SRD5A1: variants seen among roughly 807,000 people sequenced by gnomAD.
The protein encoded by SRD5A1 is 3-oxo-5-alpha-steroid 4-dehydrogenase 1.
In SRD5A1, 22 loss-of-function variants were observed where a neutral mutation model predicts 28.2. That is an observed-to-expected ratio of 0.78 (90% CI 0.56 to 1.12). SRD5A1 has a LOEUF of 1.12. Ranked by LOEUF, SRD5A1 falls within the 50% of genes most tolerant of loss-of-function variation. SRD5A1 has a pLI of 0.00. For synonymous variants in SRD5A1, 151 were observed against 135.0 expected, an observed-to-expected ratio of 1.12 and a Z score of -0.82; for missense variants, 300 against 346.7, an observed-to-expected ratio of 0.87 and a Z score of 1.07.
chr5:6,644,701 G>A (rs1444828231), intron 1 of SRD5A1: 7 of 365,140 alleles, frequency 1.9e-5, no homozygotes, highest in Non-Finnish European at 3.8e-5. Context: ...AGGCAGGAAG[G>A]ATGTCTGATC....
chr5:6,654,434 T>TTTGTTTG (rs1554001870), intron 2 of SRD5A1, among the ~76,000 whole-genome samples: 19,432 of 151,378 alleles, frequency 0.13, 1,477 homozygotes, highest in East Asian at 0.23. Context: ...TAAGTTTTTT[T>TTTGTTTG]TTTGTTTGTT....
chr5:6,639,163 C>T (rs769366017), intron 1 of SRD5A1, among the ~76,000 whole-genome samples: 3 of 152,202 alleles, frequency 2.0e-5, no homozygotes, highest in Admixed American at 6.5e-5. Context: ...TATTTCAAGA[C>T]ATACTTCTTT....
intron 3 of SRD5A1, 144 bp downstream of exon 3, chr5:6,656,323 G>A: frequency 1.5e-6 from 1 of 686,898 alleles, no homozygotes. Context: ...AATAACAAGT[G>A]CTATTGTTAT....
intron 1 of SRD5A1, among the ~76,000 whole-genome samples, chr5:6,641,822 C>T (rs1181102701): frequency 1.3e-5 from 2 of 152,258 alleles, no homozygotes; most frequent in Non-Finnish European, 2.9e-5. Context: ...AGAAGCACGT[C>T]CTCACTCCCA....
At chr5:6,639,029 TACA>T (rs1271432360) in intron 1 of SRD5A1, among the ~76,000 whole-genome samples, 2 of 152,234 alleles carry the variant, frequency 1.3e-5, no homozygotes, top group African/African-American at 4.8e-5. Context: ...AACTTGGGGG[TACA>T]ACATTATAGG....
intron 1 of SRD5A1, among the ~76,000 whole-genome samples, chr5:6,650,705 A>G (rs1738644412): frequency 1.3e-5 from 2 of 150,580 alleles, no homozygotes; most frequent in East Asian, 2.0e-4. Flanking sequence ...GGTTAGTTAC[A>G]TATGTATACA....
Position 6,633,495 on chromosome 5 carries a change from G to T in SRD5A1, c.-82G>T. 1.5e-6 allele frequency: 2 copies of T among 1,360,196 alleles called. No individual in the cohort carries two copies. The highest frequency in any genetic ancestry group is 1.9e-6 in the Non-Finnish European group (2 of 1,056,148). 84.3% of individuals were successfully genotyped at this position (1,360,196 alleles called of 1,614,324 possible). A position where few individuals can be genotyped will look rare whatever the true frequency, so the allele number is the denominator to read the frequency against. The stretch of plus-strand genomic sequence containing the variant: ...TCCGGTAGCCGCCCCTCCGGTAGCC[G>T]CCCCTCCTGCCCCCGCGCCGCCGCC... On this transcript the variant is annotated 5_prime_UTR_variant, in exon 1 of 5. Coordinates refer to ENST00000274192, the MANE Select transcript of SRD5A1 (RefSeq NM_001047.4).
At chr5:6,663,092 A>C in intron 4 of SRD5A1, 126 bp downstream of exon 4, 1 of 1,193,866 alleles carries the variant, frequency 8.4e-7, no homozygotes. Flanking sequence ...TGCTTTGGCC[A>C]AACAAGTACA....
At chr5:6,635,524 C>A (rs1266659491) in intron 1 of SRD5A1, among the ~76,000 whole-genome samples, 2 of 152,208 alleles carry the variant, frequency 1.3e-5, no homozygotes, top group African/African-American at 4.8e-5. Context: ...GCAAGGTTTC[C>A]CCACCTGTAG....
rs941185344 is a variant in SRD5A1, at chr5:6,666,482, A to G, written c.714-1720A>G. On this transcript the variant is annotated intron_variant, in intron 4 of 4. Transcript: ENST00000274192. ...CGTTCTAAAAACAAAATTGTATTCAATGAAATCTTTCTATAATAATCAGTA... is the reference window on the plus strand; with the variant it reads ...CGTTCTAAAAACAAAATTGTATTCAGTGAAATCTTTCTATAATAATCAGTA... 2.6e-5 allele frequency among the ~76,000 whole-genome samples: 4 copies of G among 152,168 alleles called. No homozygotes were observed. In the East Asian group the frequency reaches 7.7e-4, roughly 29 times the overall value.
Position 6,636,948 on chromosome 5 carries a change from G to A in SRD5A1, c.293+3079G>A, listed in dbSNP as rs572006641. ...GCTGGGGTGGGGGGATAGCCATGAC[G>A]CAGGACGAGCTGTGGTCCTGACCAG... On this transcript the variant is annotated intron_variant, in intron 1 of 4. Transcript: ENST00000274192. Among the ~76,000 whole-genome samples, 21 of 152,236 alleles carry A rather than the reference G, an allele frequency of 1.4e-4. 1 individual carries two copies. The South Asian group carries it at 1.7e-3, about 12-fold the overall frequency.
rs767571167 is a variant in SRD5A1, at chr5:6,633,621, G to C, written c.45G>C (p.Ala15=). The change falls in exon 1 of 5, where the codon GCG becomes GCC. Residue 15 remains alanine (A), a synonymous_variant. Coordinates refer to ENST00000274192, the MANE Select transcript of SRD5A1 (RefSeq NM_001047.4). ...TGVAEERLLA[A]LAYLQCAVGC... ...TGGCGGAGGAGCGCCTGCTGGCCGC[G>C]CTCGCCTACCTGCAGTGCGCCGTGG... The C allele has an allele frequency of 9.1e-6, 14 of 1,532,872 alleles. No homozygotes were observed. Among genetic ancestry groups the C allele is most frequent in the Non-Finnish European group, 1.2e-5 (14 of 1,147,794 alleles). The allele number at this position is 1,532,872 out of a possible 1,614,324, so 95.0% of individuals were successfully genotyped here. A position where few individuals can be genotyped will look rare whatever the true frequency, so the allele number is the denominator to read the frequency against.
chr5:6,637,673 G>A (rs896215963), intron 1 of SRD5A1, among the ~76,000 whole-genome samples: 4 of 152,216 alleles, frequency 2.6e-5, no homozygotes, highest in Non-Finnish European at 5.9e-5. Flanking sequence ...ACTCCGAGGA[G>A]CCTGAGCAGG....
chr5:6,659,492 T>C (rs962217462), intron 3 of SRD5A1, among the ~76,000 whole-genome samples: 5 of 134,074 alleles, frequency 3.7e-5, no homozygotes, highest in South Asian at 2.2e-4. Context: ...CCTAGGCACA[T>C]TGAAGTCCAT....
chr5:6,656,117 A>G lies in SRD5A1; in HGVS notation c.500A>G (p.His167Arg), dbSNP rs1203343322. The change falls in exon 3 of 5, where the codon CAT becomes CGT. Residue 167 changes from histidine to arginine, a missense_variant. Physicochemically the swap from His to Arg is conservative, Grantham distance 29. Coordinates refer to ENST00000274192, the MANE Select transcript of SRD5A1 (RefSeq NM_001047.4). ...LWLTGMLINI[H>R]SDHILRNLRK... is the part of the protein sequence containing the mutation. Reference sequence around the variant, plus strand: ...TTAACGGGCATGTTGATAAACATCCATTCAGATCATATCCTAAGGAATCTC... The same window carrying G: ...TTAACGGGCATGTTGATAAACATCCGTTCAGATCATATCCTAAGGAATCTC... The G allele has an allele frequency of 1.2e-6, 2 of 1,614,114 alleles. No individual in the cohort carries two copies. Among genetic ancestry groups the G allele is most frequent in the Non-Finnish European group, 1.7e-6 (2 of 1,179,984 alleles).
chr5:6,645,639 CAAA>C (rs35510604), intron 1 of SRD5A1, among the ~76,000 whole-genome samples: 18 of 121,612 alleles, frequency 1.5e-4, no homozygotes, highest in Non-Finnish European at 1.8e-4. Flanking sequence ...AACTCCATCT[CAAA>C]AAAAAAAAAA....
rs926681679 is a variant in SRD5A1 at position 6,671,383 on chromosome 5, T to G, written c.*3115T>G. 8 of 151,598 alleles carry G rather than the reference T, an allele frequency of 5.3e-5. No individual in the cohort carries two copies. Among genetic ancestry groups the G allele is most frequent in the African/African-American group, 1.7e-4 (7 of 40,928 alleles). The allele number at this position is 151,598 out of a possible 1,614,324, so 9.4% of individuals were successfully genotyped here. On this transcript the variant is annotated 3_prime_UTR_variant, in exon 5 of 5. Coordinates refer to ENST00000274192, the MANE Select transcript of SRD5A1 (RefSeq NM_001047.4). ...TTTTTTTCTTACTGATTTGTTTGAG[T>G]TTGTTGTAGATTCTGGATATTAGTC...
Position 6,666,438 on chromosome 5 carries a change from G to A in SRD5A1, c.714-1764G>A, listed in dbSNP as rs561874892. On this transcript the variant is annotated intron_variant, in intron 4 of 4. Transcript: ENST00000274192. ...ACTGGAATTACAGGCGTCAGCCACC[G>A]CGCCTGACTGGATTATAACGTTCTA... Among the ~76,000 whole-genome samples the A allele has an allele frequency of 7.9e-5, 12 of 152,270 alleles. No homozygotes were observed. In the South Asian group the frequency reaches 1.2e-3, roughly 16 times the overall value.
chr5:6,633,937 C>A, intron 1 of SRD5A1, 68 bp downstream of exon 1: 1 of 1,534,236 alleles, frequency 6.5e-7, no homozygotes, highest in Admixed American at 1.7e-5. Flanking sequence ...CCTCCCCTCA[C>A]TGCCCGGTGC....
Sources: allele counts gnomAD v4.1 joint callset (sites outside exome capture counted in the v4.1 genomes callset), GRCh38; gene constraint gnomAD v4.1.1; transcripts MANE v1.5; gene names NCBI Gene and HGNC (gene_info 2026-07-23, HGNC 2026-07-21).